The following CD109 variants were observed in gnomAD, a reference collection of about 807,000 sequenced individuals.
CD109 encodes CD109 molecule.
CD109 carries 149 observed loss-of-function variants against 165.8 expected under a neutral mutation model. That is an observed-to-expected ratio of 0.90 (90% CI 0.79 to 1.03). CD109 has a LOEUF of 1.03. Ranked by LOEUF, CD109 falls within the 50% of genes least tolerant of loss-of-function variation. CD109 has a pLI of 0.00. For missense variants in CD109, 1,712 were observed against 1,677.8 expected (o/e 1.02, Z -0.36); for synonymous variants, 585 against 592.1 (o/e 0.99, Z 0.18).
At chr6:73,751,271 T>G (rs979744350) in intron 5 of CD109, among the ~76,000 whole-genome samples, 1 of 152,194 alleles carries the variant, frequency 6.6e-6, no homozygotes, top group Non-Finnish European at 1.5e-5. Context: ...ACATTTTTCC[T>G]TTTTAGAACT....
chr6:73,732,045 G>A lies in CD109; in HGVS notation c.507+1471G>A, dbSNP rs149132430. Among the ~76,000 whole-genome samples the A allele has an allele frequency of 2.5e-3, 375 of 152,284 alleles. 2 individuals carry two copies. The highest frequency in any genetic ancestry group is 8.6e-3 in the African/African-American group (359 of 41,546). ...GAGATCCAGCTGGGCCTGGTTTTCT[G>A]TATTTAAACGGAGAAGAACACTGGA... On this transcript the variant is annotated intron_variant, in intron 4 of 32. Coordinates refer to ENST00000287097, the MANE Select transcript of CD109 (RefSeq NM_133493.5).
intron 11 of CD109, 94 bp from the exon 12 acceptor site, chr6:73,766,665 G>T (rs1773863524): frequency 4.7e-6 from 4 of 844,292 alleles, no homozygotes; most frequent in East Asian, 4.9e-5. Context: ...AAGTGAAGAT[G>T]AATTTGGTCT....
intron 7 of CD109, 40 bp from the exon 8 acceptor site, chr6:73,762,344 C>A: frequency 8.3e-7 from 1 of 1,202,658 alleles, no homozygotes; most frequent in Non-Finnish European, 1.2e-6. Context: ...CTGACAATAT[C>A]AAGTTGATAC....
chr6:73,708,396 T>C (rs963323742), intron 2 of CD109, among the ~76,000 whole-genome samples: 24 of 152,176 alleles, frequency 1.6e-4, no homozygotes, highest in Non-Finnish European at 2.9e-5. Context: ...TCCAGTCTGT[T>C]GTTGTTGGAC....
At chr6:73,755,158 A>G (rs1048663306) in intron 5 of CD109, among the ~76,000 whole-genome samples, 1 of 152,256 alleles carries the variant, frequency 6.6e-6, no homozygotes, top group African/African-American at 2.4e-5. Flanking sequence ...ACTTTTGAGA[A>G]TGACGTGTTA....
intron 24 of CD109, among the ~76,000 whole-genome samples, chr6:73,804,902 C>G (rs2150291101): frequency 6.6e-6 from 1 of 152,290 alleles, no homozygotes; most frequent in Non-Finnish European, 1.5e-5. Flanking sequence ...TTAAAAAATG[C>G]TCATCATCAC....
At chr6:73,742,185 A>T (rs1285355413) in intron 5 of CD109, among the ~76,000 whole-genome samples, 11 of 94,140 alleles carry the variant, frequency 1.2e-4, no homozygotes, top group African/African-American at 1.7e-4. Flanking sequence ...ATTCCCTCCC[A>T]CCCCCCAGCC....
intron 2 of CD109, among the ~76,000 whole-genome samples, chr6:73,710,430 A>G (rs928767230): frequency 7.2e-5 from 11 of 152,204 alleles, no homozygotes; most frequent in Non-Finnish European, 1.0e-4. Flanking sequence ...CCACTGCTCA[A>G]CGAAATAAAG....
chr6:73,762,601 T>C (rs1773677439), intron 8 of CD109, 121 bp downstream of exon 8: 1 of 960,498 alleles, frequency 1.0e-6, no homozygotes, highest in African/African-American at 1.7e-5. Context: ...CTTTCCAGCA[T>C]TGAACAAATG....
At chr6:73,695,048 CTT>C (rs926047883), upstream of CD109, 2 of 149,450 alleles carry the variant, frequency 1.3e-5, no homozygotes, top group African/African-American at 4.9e-5. Context: ...CTAGGTGCTA[CTT>C]TCTCACTTTT....
intron 15 of CD109, among the ~76,000 whole-genome samples, chr6:73,776,942 G>A (rs181776236): frequency 1.3e-5 from 2 of 149,814 alleles, no homozygotes; most frequent in Non-Finnish European, 3.0e-5. Flanking sequence ...ATGTATGCAT[G>A]TATGACTTCT....
intron 13 of CD109, among the ~76,000 whole-genome samples, chr6:73,767,539 C>G (rs1359147601): frequency 6.6e-6 from 1 of 152,126 alleles, no homozygotes; most frequent in Non-Finnish European, 1.5e-5. Flanking sequence ...TATAACTCAG[C>G]CTCATACCTT....
the CD109 span, among the ~76,000 whole-genome samples, chr6:73,682,368 A>G: frequency 6.6e-6 from 1 of 152,334 alleles, no homozygotes; most frequent in African/African-American, 2.4e-5. Flanking sequence ...TGGGGCAGTC[A>G]AATCTTAAAA....
intron 5 of CD109, among the ~76,000 whole-genome samples, chr6:73,755,779 G>A (rs998775715): frequency 3.4e-5 from 5 of 148,444 alleles, no homozygotes; most frequent in Non-Finnish European, 7.4e-5. Flanking sequence ...GGGCAACATG[G>A]CAAAATCCTG....
At chr6:73,785,514 C>T (rs1204730164) in intron 20 of CD109, 37 bp downstream of exon 20, 4 of 1,206,852 alleles carry the variant, frequency 3.3e-6, no homozygotes, top group Non-Finnish European at 3.6e-6. Flanking sequence ...ATTTACACTA[C>T]AGGAGAAAAT....
chr6:73,744,219 C>G (rs1772896988), intron 5 of CD109, among the ~76,000 whole-genome samples: 1 of 152,180 alleles, frequency 6.6e-6, no homozygotes, highest in African/African-American at 2.4e-5. Flanking sequence ...TCCTTGAAGA[C>G]AGGAATTCTA....
chr6:73,808,083 C>T lies in CD109; in HGVS notation c.3190C>T (p.Pro1064Ser), dbSNP rs778009226. ...TSLLGYRKYQ[P>S]NIDVQESIHF... ...AAAAACATACTTTTTTTCTTCCAAG[C>T]CTAACATTGATGTGCAAGAGTCTAT... The change falls in exon 26 of 33, where the codon CCT becomes TCT. Residue 1064 changes from proline to serine, a missense_variant and splice_region_variant. Coordinates refer to ENST00000287097, the MANE Select transcript of CD109 (RefSeq NM_133493.5). The T allele has an allele frequency of 6.2e-7, 1 of 1,611,210 alleles. No homozygotes were observed. Among genetic ancestry groups the T allele is most frequent in the Non-Finnish European group, 8.5e-7 (1 of 1,178,874 alleles).
In CD109 at chr6:73,762,372, A is replaced by G; in HGVS notation, c.759-12A>G. 1 of 1,504,234 alleles carries G rather than the reference A, an allele frequency of 6.6e-7. No individual in the cohort carries two copies. Among genetic ancestry groups the G allele is most frequent in the Admixed American group, 1.7e-5 (1 of 58,230 alleles). The allele number at this position is 1,504,234 out of a possible 1,614,324, so 93.2% of individuals were successfully genotyped here. ...GTTGATACATAAAAAGACTATGTTTATAATTATTCAGGTATACATATGGGA... is the reference window on the plus strand; with the variant it reads ...GTTGATACATAAAAAGACTATGTTTGTAATTATTCAGGTATACATATGGGA... On this transcript the variant is annotated splice_polypyrimidine_tract_variant and intron_variant, in intron 7 of 32. Transcript: ENST00000287097.
intron 23 of CD109, among the ~76,000 whole-genome samples, chr6:73,796,538 T>C (rs1426366080): frequency 6.6e-6 from 1 of 152,224 alleles, no homozygotes; most frequent in Admixed American, 6.5e-5. Context: ...AAAATTATCC[T>C]GTCCATCATC....
Sources: gnomAD v4.1 joint callset for allele counts (sites outside exome capture counted in the v4.1 genomes callset) on GRCh38, gnomAD v4.1.1 for gene constraint, MANE v1.5 for transcripts, NCBI Gene and HGNC (gene_info 2026-07-23, HGNC 2026-07-21) for gene names.